Variants in HUNK observed in about 807,000 individuals in gnomAD.
HUNK encodes hormonally up-regulated Neu-associated kinase, also known as hormonally up-regulated neu tumor-associated kinase.
Under a neutral mutation model 61.0 loss-of-function variants are expected in HUNK, and 21 were observed. That is an observed-to-expected ratio of 0.34 (90% CI 0.24 to 0.50). The LOEUF (loss-of-function observed/expected upper bound fraction) is 0.50. Among genes scored for constraint, HUNK ranks in the 20% least tolerant of loss-of-function variants. The pLI, the probability that HUNK is intolerant of heterozygous loss-of-function variation, is 0.98. For missense variants in HUNK, 772 were observed against 945.7 expected, an observed-to-expected ratio of 0.82 and a Z score of 2.41; for synonymous variants, 371 against 386.1, an observed-to-expected ratio of 0.96 and a Z score of 0.46.
intron 1 of HUNK, among the ~76,000 whole-genome samples, chr21:31,888,745 C>CA (rs1277872839): frequency 6.7e-6 from 1 of 149,182 alleles, no homozygotes; most frequent in Non-Finnish European, 1.5e-5. Context: ...CATCTCAAAA[C>CA]AAAAACAAAA....
rs1362356111 is a variant in HUNK at position 31,996,222 on chromosome 21, AGGTT to A, written c.1486+277_1486+280del. On this transcript the variant is annotated intron_variant, in intron 10 of 10. Coordinates refer to ENST00000270112, the MANE Select transcript of HUNK (RefSeq NM_014586.2). ...GGGGTGGATGATATTGTCAGAACAG[AGGTT>A]GGGAGGCACAGTATTGCAGGAGCAG... Among the ~76,000 whole-genome samples the A allele has an allele frequency of 3.3e-5, 5 of 152,324 alleles. No individual in the cohort carries two copies. The East Asian group carries it at 9.6e-4, about 29-fold the overall frequency.
chr21:31,900,480 A>ACACACACAC (rs761702699), intron 1 of HUNK, among the ~76,000 whole-genome samples: 1 of 58,084 alleles, frequency 1.7e-5, no homozygotes, highest in African/African-American at 8.6e-5. Flanking sequence ...CACACACACA[A>ACACACACAC]ACTCTACTGT....
chr21:31,920,406 A>T (rs1236949356), intron 1 of HUNK, among the ~76,000 whole-genome samples: 1 of 152,242 alleles, frequency 6.6e-6, no homozygotes, highest in Non-Finnish European at 1.5e-5. Flanking sequence ...GTACTCTGTT[A>T]AAAAGGCAGA....
At chr21:31,931,564 C>G (rs778589101) in intron 2 of HUNK, among the ~76,000 whole-genome samples, 1 of 152,056 alleles carries the variant, frequency 6.6e-6, no homozygotes, top group Non-Finnish European at 1.5e-5. Flanking sequence ...TTGCCCGGGC[C>G]GGGTTGGCGG....
intron 3 of HUNK, among the ~76,000 whole-genome samples, chr21:31,944,150 G>A (rs1195054807): frequency 1.3e-5 from 2 of 152,218 alleles, no homozygotes; most frequent in South Asian, 2.1e-4. Context: ...CGCAGTCTTG[G>A]CTCACTGCAA....
At chr21:31,892,863 C>T (rs900700787) in intron 1 of HUNK, among the ~76,000 whole-genome samples, 1 of 152,070 alleles carries the variant, frequency 6.6e-6, no homozygotes, top group Non-Finnish European at 1.5e-5. Flanking sequence ...TTCCTCTTGC[C>T]CACCTCTGCC....
intron 5 of HUNK, among the ~76,000 whole-genome samples, chr21:31,960,307 G>A (rs182283974): frequency 7.4e-4 from 111 of 149,858 alleles, no homozygotes; most frequent in African/African-American, 2.7e-3. Flanking sequence ...TAATAAACAT[G>A]TGTGGTATTT....
At chr21:31,996,603 A>C (rs994143960) in intron 10 of HUNK, among the ~76,000 whole-genome samples, 4 of 152,240 alleles carry the variant, frequency 2.6e-5, no homozygotes, top group African/African-American at 9.6e-5. Flanking sequence ...CACATGGTAG[A>C]AACGCCAAGA....
Position 31,894,936 on chromosome 21 carries a change from A to G in HUNK, c.261+21001A>G, listed in dbSNP as rs186104946. On this transcript the variant is annotated intron_variant, in intron 1 of 10. Coordinates refer to ENST00000270112, the MANE Select transcript of HUNK (RefSeq NM_014586.2). ...CCCAGTAGTTAGAGCTAAGCTGTGA[A>G]TCACAAACACGGAACTCATGTTATT... is the stretch of plus-strand genomic sequence containing the variant. Among the ~76,000 whole-genome samples the G allele has an allele frequency of 1.2e-3, 182 of 152,308 alleles. 1 individual carries two copies. Among genetic ancestry groups the G allele is most frequent in the African/African-American group, 4.1e-3 (172 of 41,562 alleles).
At chr21:31,925,184 A>C (rs544602103) in intron 2 of HUNK, among the ~76,000 whole-genome samples, 2 of 152,222 alleles carry the variant, frequency 1.3e-5, no homozygotes, top group East Asian at 3.8e-4. Context: ...GAGGGTTAAA[A>C]GAGTAGAATC....
At chr21:31,892,162 A>AAAAATAT (rs1479271300) in intron 1 of HUNK, among the ~76,000 whole-genome samples, 1 of 114,050 alleles carries the variant, frequency 8.8e-6, no homozygotes, top group African/African-American at 3.5e-5. Flanking sequence ...AAAAAAAAAA[A>AAAAATAT]ATATATATAT....
intron 9 of HUNK, 72 bp downstream of exon 9, chr21:31,990,248 G>A: frequency 7.6e-7 from 1 of 1,320,424 alleles, no homozygotes; most frequent in Admixed American, 1.7e-5. Context: ...TATGGAGAGA[G>A]AGAGAGATTG....
intron 1 of HUNK, among the ~76,000 whole-genome samples, chr21:31,886,456 T>C (rs2052346800): frequency 6.8e-6 from 1 of 146,602 alleles, no homozygotes; most frequent in Non-Finnish European, 1.5e-5. Flanking sequence ...CATATTCAAA[T>C]AAAGTACTGA....
At chr21:31,908,472 A>C (rs1465195400) in intron 1 of HUNK, among the ~76,000 whole-genome samples, 3 of 151,966 alleles carry the variant, frequency 2.0e-5, no homozygotes, top group East Asian at 1.9e-4. Context: ...TTGGCAATCC[A>C]TCGTAGGGGA....
chr21:31,926,426 C>T (rs1290520688), intron 2 of HUNK, among the ~76,000 whole-genome samples: 1 of 151,504 alleles, frequency 6.6e-6, no homozygotes, highest in East Asian at 1.9e-4. Flanking sequence ...GTGCAACCAT[C>T]ACCACCTTCT....
intron 1 of HUNK, among the ~76,000 whole-genome samples, chr21:31,887,027 T>C (rs2052351689): frequency 6.6e-6 from 1 of 152,214 alleles, no homozygotes. Flanking sequence ...GTTGGCAGGC[T>C]CTGGTTCTGC....
chr21:31,914,133 C>T (rs115640892), intron 1 of HUNK, among the ~76,000 whole-genome samples: 2,466 of 151,962 alleles, frequency 0.016, 65 homozygotes, highest in African/African-American at 0.055. Context: ...CTAGGCCGGG[C>T]GCAGTGGCTC....
At position 31,999,270 on chromosome 21, in the gene HUNK, G is replaced by C. The variant is rs1199714720; in HGVS notation, c.*86G>C. 2.4e-6 allele frequency: 3 copies of C among 1,247,686 alleles called. No homozygotes were observed. Among genetic ancestry groups the C allele is most frequent in the South Asian group, 2.9e-5 (2 of 68,760 alleles). 77.3% of individuals were successfully genotyped at this position (1,247,686 alleles called of 1,614,324 possible). On this transcript the variant is annotated 3_prime_UTR_variant, in exon 11 of 11. Transcript: ENST00000270112. Reference sequence around the variant, plus strand: ...TCTGTCAGGGTGTGAGCACTCCAAGGCCTCGCGTGGAGCATCCTTAGTCCC... The same window carrying C: ...TCTGTCAGGGTGTGAGCACTCCAAGCCCTCGCGTGGAGCATCCTTAGTCCC...
At chr21:31,979,172 G>A (rs2053073456) in intron 7 of HUNK, among the ~76,000 whole-genome samples, 1 of 147,776 alleles carries the variant, frequency 6.8e-6, no homozygotes, top group Non-Finnish European at 1.5e-5. Context: ...GCGTGATCTC[G>A]GCTCACTGCA....
Sources: gnomAD v4.1 joint callset for allele counts (sites outside exome capture counted in the v4.1 genomes callset) on GRCh38, gnomAD v4.1.1 for gene constraint, MANE v1.5 for transcripts, NCBI Gene and HGNC (gene_info 2026-07-23, HGNC 2026-07-21) for gene names.